Variants in LMCD1 observed in about 807,000 individuals in gnomAD.
LMCD1 encodes LIM and cysteine-rich domains protein 1.
LMCD1 carries 32 observed loss-of-function variants against 42.7 expected under a neutral mutation model. The ratio of observed to expected loss-of-function variants is 0.75; its 90% CI spans 0.57 to 1.01. LMCD1 has a LOEUF of 1.01. Ranked by LOEUF, LMCD1 falls within the 50% of genes least tolerant of loss-of-function variation. The pLI is 0.00. For missense variants in LMCD1, 458 were observed against 483.1 expected, an observed-to-expected ratio of 0.95 and a Z score of 0.49; for synonymous variants, 178 against 184.9, an observed-to-expected ratio of 0.96 and a Z score of 0.30.
intron 3 of LMCD1, among the ~76,000 whole-genome samples, chr3:8,540,781 T>A (rs1251711139): frequency 2.6e-5 from 4 of 152,168 alleles, no homozygotes; most frequent in African/African-American, 9.7e-5. Context: ...CATGAACACC[T>A]CACCGCGCCC....
rs750190185 is a variant in LMCD1, at chr3:8,565,596, C to T, written c.888C>T (p.Cys296=). The T allele has an allele frequency of 6.2e-7, 1 of 1,606,862 alleles. No homozygotes were observed. Among genetic ancestry groups the T allele is most frequent in the East Asian group, 2.3e-5 (1 of 44,426 alleles). Reference sequence around the variant, plus strand: ...TCTGGAAGGATGGTGCACCCTGGTGCGGCCGCCATTACTGCGAGAGTCTGC... The same window carrying T: ...TCTGGAAGGATGGTGCACCCTGGTGTGGCCGCCATTACTGCGAGAGTCTGC... ...IYFWKDGAPW[C]GRHYCESLRP... Residue 296 remains cysteine, a synonymous_variant, in exon 5 of 6, where the codon TGC becomes TGT. Transcript: ENST00000157600.
intron 1 of LMCD1, among the ~76,000 whole-genome samples, chr3:8,517,893 G>A (rs564188134): frequency 6.6e-6 from 1 of 152,130 alleles, no homozygotes; most frequent in East Asian, 1.9e-4. Context: ...CACACAGATG[G>A]TATATGGAGA....
At chr3:8,508,329 C>T (rs7624569) in intron 1 of LMCD1, among the ~76,000 whole-genome samples, 61,387 of 151,830 alleles carry the variant, frequency 0.4, 13,240 homozygotes, top group Non-Finnish European at 0.49. Flanking sequence ...ATGGCCTGGG[C>T]CCCCACCGGG....
Position 8,548,772 on chromosome 3 carries a change from G to A in LMCD1, c.592G>A (p.Glu198Lys). 5 of 1,612,642 alleles carry A rather than the reference G, an allele frequency of 3.1e-6. No individual in the cohort carries two copies. Among genetic ancestry groups the A allele is most frequent in the Non-Finnish European group, 4.2e-6 (5 of 1,178,728 alleles). ...QYKSEALGVG[E>K]VALPGQGGLP... ...TAAGAGCGAGGCCCTCGGCGTGGGA[G>A]AAGTGGCCCTCCCGGGGCAGGGTGG... The change falls in exon 4 of 6, where the codon GAA (glutamate) becomes AAA (lysine). Residue 198 changes from glutamate to lysine, a missense_variant. By Grantham distance (56) the Glu-to-Lys change is moderately conservative. Coordinates refer to ENST00000157600, the MANE Select transcript of LMCD1 (RefSeq NM_014583.4).
At chr3:8,541,476 G>A (rs1330596707) in intron 3 of LMCD1, among the ~76,000 whole-genome samples, 7 of 152,146 alleles carry the variant, frequency 4.6e-5, no homozygotes, top group Non-Finnish European at 1.0e-4. Context: ...TTGAACCCGG[G>A]AGGCAGAGGT....
chr3:8,566,786 T>C (rs1695139721), intron 5 of LMCD1, among the ~76,000 whole-genome samples: 1 of 152,234 alleles, frequency 6.6e-6, no homozygotes, highest in African/African-American at 2.4e-5. Flanking sequence ...GCCTTTCATA[T>C]GTAGTTGGTC....
chr3:8,551,062 G>T, intron 4 of LMCD1: 1 of 985,428 alleles, frequency 1.0e-6, no homozygotes, highest in Non-Finnish European at 1.2e-6. Flanking sequence ...AAAATAAGTA[G>T]GGATTCCAAA....
At chr3:8,520,239 C>G (rs140133285) in intron 1 of LMCD1, among the ~76,000 whole-genome samples, 1 of 152,128 alleles carries the variant, frequency 6.6e-6, no homozygotes. Context: ...AACACACACA[C>G]ACACCAAATG....
chr3:8,507,736 C>T (rs6777858), intron 1 of LMCD1, among the ~76,000 whole-genome samples: 61,448 of 152,064 alleles, frequency 0.4, 13,249 homozygotes, highest in Non-Finnish European at 0.49. Flanking sequence ...GAGTTTGAAA[C>T]GACTTGTCTA....
intron 1 of LMCD1, among the ~76,000 whole-genome samples, chr3:8,519,684 G>A (rs1274514305): frequency 2.0e-5 from 3 of 148,322 alleles, no homozygotes; most frequent in African/African-American, 7.5e-5. Context: ...TCAAGGAAAG[G>A]ATAAAACATC....
chr3:8,507,099 A>T (rs1693898668), intron 1 of LMCD1, among the ~76,000 whole-genome samples: 1 of 152,240 alleles, frequency 6.6e-6, no homozygotes, highest in Non-Finnish European at 1.5e-5. Flanking sequence ...CTGTCTCACC[A>T]GGTGCAGGGC....
At chr3:8,546,738 C>T (rs1694742268) in intron 3 of LMCD1, among the ~76,000 whole-genome samples, 1 of 152,160 alleles carries the variant, frequency 6.6e-6, no homozygotes, top group Non-Finnish European at 1.5e-5. Context: ...GCTTTTCCTT[C>T]CAGGGGCAGG....
chr3:8,505,628 C>T (rs1265594933), intron 1 of LMCD1, among the ~76,000 whole-genome samples: 1 of 152,254 alleles, frequency 6.6e-6, no homozygotes, highest in Admixed American at 6.5e-5. Context: ...TGGGCTGGCT[C>T]CAGAGGGATC....
chr3:8,519,713 T>A (rs573559173), intron 1 of LMCD1, among the ~76,000 whole-genome samples: 1 of 150,820 alleles, frequency 6.6e-6, no homozygotes, highest in Non-Finnish European at 1.5e-5. Flanking sequence ...AAAGTGTATT[T>A]AGTGTTAGTT....
In LMCD1 at chr3:8,568,357, G is replaced by A. The variant is rs1408000729; in HGVS notation, c.*759G>A. 6.6e-6 allele frequency: 1 copy of A among 152,186 alleles called. No homozygotes were observed. Among genetic ancestry groups the A allele is most frequent in the East Asian group, 1.9e-4 (1 of 5,192 alleles). The allele number at this position is 152,186 out of a possible 1,614,324, so 9.4% of individuals were successfully genotyped here. A position where few individuals can be genotyped will look rare whatever the true frequency, so the allele number is the denominator to read the frequency against. ...GGTACACTGAAAAGTGGCCTGCTGGGAACTGATGAGCTTCTCTTTAGCCAG... is the reference window on the plus strand; with the variant it reads ...GGTACACTGAAAAGTGGCCTGCTGGAAACTGATGAGCTTCTCTTTAGCCAG... On this transcript the variant is annotated 3_prime_UTR_variant, in exon 6 of 6. Transcript: ENST00000157600.
At chr3:8,556,905 A>G (rs752855097) in intron 4 of LMCD1, among the ~76,000 whole-genome samples, 10 of 152,348 alleles carry the variant, frequency 6.6e-5, no homozygotes, top group Middle Eastern at 3.4e-3. Context: ...CCCATAATGG[A>G]TAATCTGCCC....
chr3:8,556,388 C>T (rs1352079998), intron 4 of LMCD1, among the ~76,000 whole-genome samples: 1 of 146,344 alleles, frequency 6.8e-6, no homozygotes, highest in East Asian at 2.0e-4. Flanking sequence ...TTCCAGGAAG[C>T]TTTTTTTTTT....
chr3:8,541,028 C>T (rs916932931), intron 3 of LMCD1, among the ~76,000 whole-genome samples: 27 of 152,148 alleles, frequency 1.8e-4, no homozygotes, highest in African/African-American at 6.5e-4. Context: ...AGATGAAGCC[C>T]ATTTACTGTT....
At chr3:8,505,496 G>T (rs1238341000) in intron 1 of LMCD1, among the ~76,000 whole-genome samples, 1 of 152,224 alleles carries the variant, frequency 6.6e-6, no homozygotes, top group Non-Finnish European at 1.5e-5. Flanking sequence ...ATGTACTGAA[G>T]CCTATTAGGC....
Sources: gnomAD v4.1 joint callset for allele counts (sites outside exome capture counted in the v4.1 genomes callset) on GRCh38, gnomAD v4.1.1 for gene constraint, MANE v1.5 for transcripts, NCBI Gene and HGNC (gene_info 2026-07-23, HGNC 2026-07-21) for gene names.